The following TUBGCP6 variants were observed in gnomAD, a reference collection of about 807,000 sequenced individuals.
The protein encoded by TUBGCP6 is tubulin gamma complex component 6.
Under a neutral mutation model 175.8 loss-of-function variants are expected in TUBGCP6, and 161 were observed. That is an observed-to-expected ratio of 0.92 (90% CI 0.81 to 1.04). The LOEUF (loss-of-function observed/expected upper bound fraction) is 1.04. Among genes scored for constraint, TUBGCP6 ranks in the 50% least tolerant of loss-of-function variants. The pLI, the probability that TUBGCP6 is intolerant of heterozygous loss-of-function variation, is 0.00. For missense variants in TUBGCP6, 2,572 were observed against 2,433.0 expected, an observed-to-expected ratio of 1.06 and a Z score of -1.20; for synonymous variants, 1,173 against 1,030.5, an observed-to-expected ratio of 1.14 and a Z score of -2.65.
In TUBGCP6 at chr22:50,230,440, C is replaced by G. The variant is rs147427614; in HGVS notation, c.1117-863G>C. Among the ~76,000 whole-genome samples the G allele has an allele frequency of 4.4e-3, 675 of 152,088 alleles. 3 individuals carry two copies. Among genetic ancestry groups the G allele is most frequent in the African/African-American group, 0.015 (638 of 41,480 alleles). On this transcript the variant is annotated intron_variant, in intron 3 of 24. Transcript: ENST00000248846. ...TGGCCAACATGGCAAAGCCCCGTCT[C>G]TACTAAAAATACAAAAATTAGCCAG...
chr22:50,228,652 A>G (rs1444168535), intron 4 of TUBGCP6, among the ~76,000 whole-genome samples: 1 of 151,566 alleles, frequency 6.6e-6, no homozygotes, highest in East Asian at 1.9e-4. Context: ...CTTCTCCACC[A>G]TCTCTAGCTC....
intron 4 of TUBGCP6, 56 bp downstream of exon 4, chr22:50,229,348 G>A: frequency 6.3e-7 from 1 of 1,575,316 alleles, no homozygotes; most frequent in Non-Finnish European, 8.7e-7. Context: ...CTCTCTTCCA[G>A]GTCGTGTGCA....
chr22:50,233,526 G>C lies in TUBGCP6; in HGVS notation c.906C>G (p.Cys302Trp), dbSNP rs1228149916. The C allele has an allele frequency of 1.2e-6, 2 of 1,600,718 alleles. No homozygotes were observed. Among genetic ancestry groups the C allele is most frequent in the Non-Finnish European group, 1.7e-6 (2 of 1,174,098 alleles). Residue 302 changes from cysteine to tryptophan, a missense_variant and splice_region_variant, in exon 3 of 25, where the codon TGC becomes TGG. Transcript: ENST00000248846. ...SKRRCWERVGCPPGHREEPYL... is the reference protein window; with the variant it reads ...SKRRCWERVGWPPGHREEPYL... Reference sequence around the variant, plus strand: ...AAGGCTCCTCTCTGTGGCCAGGGGGGCTGCGAGGGGTGCAGAAGAGAGGCC... The same window carrying C: ...AAGGCTCCTCTCTGTGGCCAGGGGGCCTGCGAGGGGTGCAGAAGAGAGGCC...
At position 50,230,682 on chromosome 22, in the gene TUBGCP6, G is replaced by A. The variant is rs138320311; in HGVS notation, c.1117-1105C>T. Among the ~76,000 whole-genome samples, 118 of 151,708 alleles carry A rather than the reference G, an allele frequency of 7.8e-4. 1 individual carries two copies. In the East Asian group the frequency reaches 0.022, roughly 28 times the overall value. On this transcript the variant is annotated intron_variant, in intron 3 of 24. Transcript: ENST00000248846. ...GGTCCCAGCTACTCGGGAGGCTGAG[G>A]CAGGAGGATCAATTTGAGCCTAGGA...
chr22:50,227,872 A>T, intron 5 of TUBGCP6, 35 bp downstream of exon 5: 1 of 1,562,220 alleles, frequency 6.4e-7, no homozygotes, highest in African/African-American at 1.4e-5. Flanking sequence ...CCGCTCCCGC[A>T]AAGTCCCCTG....
In TUBGCP6 at chr22:50,224,601, G is replaced by T. The variant is rs746064745; in HGVS notation, c.1984-9C>A. 16 of 1,613,394 alleles carry T rather than the reference G, an allele frequency of 9.9e-6. No homozygotes were observed. Among genetic ancestry groups the T allele is most frequent in the Non-Finnish European group, 1.3e-5 (15 of 1,179,908 alleles). On this transcript the variant is annotated splice_polypyrimidine_tract_variant and intron_variant, in intron 10 of 24. Coordinates refer to ENST00000248846, the MANE Select transcript of TUBGCP6 (RefSeq NM_020461.4). ...ATTTCCATACGTAATTCCTGAGAAA[G>T]ACAACTGGTAATCAAAGCATCCTGG... is the stretch of plus-strand genomic sequence containing the variant.
chr22:50,225,435 T>C (rs1403701644), intron 10 of TUBGCP6, among the ~76,000 whole-genome samples: 6 of 152,046 alleles, frequency 3.9e-5, no homozygotes, highest in Non-Finnish European at 1.5e-5. Context: ...GCCAGGACTG[T>C]CTGTCCACAG....
chr22:50,220,461 G>A lies in TUBGCP6; in HGVS notation c.3898C>T (p.His1300Tyr), dbSNP rs148601529. 129 of 1,612,896 alleles carry A rather than the reference G, an allele frequency of 8.0e-5. No individual in the cohort carries two copies. In the African/African-American group the frequency reaches 1.6e-3, roughly 20 times the overall value. The change falls in exon 16 of 25, where the codon CAC becomes TAC. Residue 1300 changes from histidine to tyrosine, a missense_variant. Transcript: ENST00000248846. ...AGGCTGAGCGCTGACTGGGACGTGT[G>A]GCCAGGGGGGCTCTGTTGGGGCCTG... ...TPRPQQSPPG[H>Y]TSQSALSLGA... is the part of the protein sequence containing the mutation.
Position 50,240,351 on chromosome 22 carries a change from T to G in TUBGCP6, c.758A>C (p.Asp253Ala). 1 of 1,608,908 alleles carries G rather than the reference T, an allele frequency of 6.2e-7. No homozygotes were observed. The highest frequency in any genetic ancestry group is 8.5e-7 in the Non-Finnish European group (1 of 1,177,926). The change falls in exon 2 of 25, where the codon GAT becomes GCT. Residue 253 changes from aspartate to alanine, a missense_variant. Transcript: ENST00000248846. ...CTGGAATCCTTCGTCTTCCCACTGA[T>G]CCACACTCGGTGGGACCTGGAGACA... ...GLAIKVPPSV[D>A]QWEDEGFQSA...
intron 16 of TUBGCP6, 34 bp from the exon 17 acceptor site, chr22:50,220,049 G>C (rs754405573): frequency 6.2e-7 from 1 of 1,609,030 alleles, no homozygotes; most frequent in Non-Finnish European, 8.5e-7. Context: ...AGGGCATCAG[G>C]GCCGAGTGCC....
Position 50,220,362 on chromosome 22 carries a change from TG to T in TUBGCP6, c.3996del (p.Ser1333AlafsTer37). On this transcript the variant is annotated frameshift_variant, in exon 16 of 25. Transcript: ENST00000248846. LOFTEE classifies it high-confidence loss of function. ...PVEVGPSLSSPSSGCGEGSIS... is the reference protein window; with the variant it reads ...PVEVGPSLSSXSSGCGEGSIS... ...ATGCTCCCCTCCCCGCAGCCCGAGCTGGGGGAGGACAGAGATGGCCCCACTT... is the reference window on the plus strand; with the variant it reads ...ATGCTCCCCTCCCCGCAGCCCGAGCTGGGGAGGACAGAGATGGCCCCACTT... 1 of 1,542,366 alleles carries T rather than the reference TG, an allele frequency of 6.5e-7. No individual in the cohort carries two copies. Among genetic ancestry groups the T allele is most frequent in the East Asian group, 2.3e-5 (1 of 42,590 alleles).
In TUBGCP6 at chr22:50,243,767, G is replaced by C. The variant is rs1342984361; in HGVS notation, c.693C>G (p.Gly231=). The C allele has an allele frequency of 1.2e-6, 2 of 1,613,468 alleles. No homozygotes were observed. The highest frequency in any genetic ancestry group is 1.7e-6 in the Non-Finnish European group (2 of 1,180,014). The change falls in exon 1 of 25, where the codon GGC becomes GGG. Residue 231 remains glycine, a synonymous_variant. Coordinates refer to ENST00000248846, the MANE Select transcript of TUBGCP6 (RefSeq NM_020461.4). The part of the protein sequence containing the change: ...SRTYDMDVRL[G]LPPVPDNADL... The stretch of plus-strand genomic sequence containing the variant: ...CCGCATTGTCTGGCACGGGGGGCAG[G>C]CCCAGTCGGACGTCCATGTCATAAG...
At chr22:50,221,982 C>T in intron 15 of TUBGCP6, 46 bp downstream of exon 15, 1 of 1,610,402 alleles carries the variant, frequency 6.2e-7, no homozygotes, top group South Asian at 1.1e-5. Context: ...GTGCCGAGGG[C>T]TATGGGAAAA....
intron 3 of TUBGCP6, among the ~76,000 whole-genome samples, chr22:50,231,267 A>G (rs1226860867): frequency 6.6e-6 from 1 of 151,854 alleles, no homozygotes; most frequent in Non-Finnish European, 1.5e-5. Context: ...CAGCCTGGTC[A>G]ACATGGTGAA....
In TUBGCP6 at chr22:50,228,032, T is replaced by C; in HGVS notation, c.1291-4A>G. 3.9e-6 allele frequency: 6 copies of C among 1,542,380 alleles called. No individual in the cohort carries two copies. The highest frequency in any genetic ancestry group is 5.3e-6 in the Non-Finnish European group (6 of 1,141,874). Reference sequence around the variant, plus strand: ...TCCTCAGGCCACTGGTGAAGGCCTGTGGGCAAAGAGGCTGGGAGGAGGGCG... The same window carrying C: ...TCCTCAGGCCACTGGTGAAGGCCTGCGGGCAAAGAGGCTGGGAGGAGGGCG... On this transcript the variant is annotated splice_region_variant and splice_polypyrimidine_tract_variant and intron_variant, in intron 4 of 24. Transcript: ENST00000248846.
intron 2 of TUBGCP6, among the ~76,000 whole-genome samples, chr22:50,239,801 A>G (rs568918639): frequency 2.2e-4 from 33 of 152,354 alleles, no homozygotes; most frequent in African/African-American, 7.5e-4. Flanking sequence ...TCTTCCTGGC[A>G]CTAATCACAC....
At position 50,219,147 on chromosome 22, in the gene TUBGCP6, T is replaced by C. The variant is rs1483680970; in HGVS notation, c.4547A>G (p.His1516Arg). Residue 1516 changes from histidine (H) to arginine (R), a missense_variant, in exon 20 of 25, where the codon CAC (histidine) becomes CGC (arginine). His to Arg is a conservative substitution (Grantham distance 29). Transcript: ENST00000248846. ...CAGGAAGTGCCGCAGTGCCTCATAG[T>C]GCGCCTCCAGGTGCAGCTCCACGAA... ...YFFVELHLEAHYEALRHFLLM... is the reference protein window; with the variant it reads ...YFFVELHLEARYEALRHFLLM... 3.7e-6 allele frequency: 6 copies of C among 1,612,908 alleles called. No homozygotes were observed. Among genetic ancestry groups the C allele is most frequent in the East Asian group, 4.5e-5 (2 of 44,892 alleles).
chr22:50,234,324 CCTGTCCACAGCAGCATCCACACCCCT>C (rs1317012488), intron 2 of TUBGCP6, among the ~76,000 whole-genome samples: 2 of 5,772 alleles, frequency 3.5e-4, no homozygotes, highest in African/African-American at 9.1e-4. Context: ...CATCCACACC[CCTGTCCACAGCAGCATCCACACCCCT>C]GTCCACAGCA....
intron 1 of TUBGCP6, among the ~76,000 whole-genome samples, chr22:50,242,714 G>T (rs959456691): frequency 6.6e-6 from 1 of 152,222 alleles, no homozygotes; most frequent in South Asian, 2.1e-4. Flanking sequence ...CCAATTGCAC[G>T]AATTACAGAA....
Sources: allele counts gnomAD v4.1 joint callset (sites outside exome capture counted in the v4.1 genomes callset), GRCh38; gene constraint gnomAD v4.1.1; transcripts MANE v1.5; gene names NCBI Gene and HGNC (gene_info 2026-07-23, HGNC 2026-07-21).